The following PARK7 variants were observed in gnomAD, a reference collection of about 807,000 sequenced individuals.
The protein encoded by PARK7 is Parkinson disease protein 7.
Under a neutral mutation model 20.5 loss-of-function variants are expected in PARK7, and 14 were observed. The observed-to-expected ratio is 0.68, with a 90% CI of 0.45 to 1.07. PARK7 has a LOEUF of 1.07. PARK7 is among the 50% of genes least tolerant of loss of function. The pLI, the probability that PARK7 is intolerant of heterozygous loss-of-function variation, is 0.00. For synonymous variants in PARK7, 98 were observed against 84.3 expected, an observed-to-expected ratio of 1.16 and a Z score of -0.89; for missense variants, 234 against 238.1, an observed-to-expected ratio of 0.98 and a Z score of 0.11.
intron 6 of PARK7, among the ~76,000 whole-genome samples, chr1:7,980,066 C>T (rs1640679002): frequency 6.7e-6 from 1 of 149,620 alleles, no homozygotes; most frequent in African/African-American, 2.5e-5. Context: ...GAGGCTGAGG[C>T]AGGAGAGTGG....
chr1:7,982,149 A>AT (rs760318319), intron 6 of PARK7, among the ~76,000 whole-genome samples: 1,856 of 116,608 alleles, frequency 0.016, 19 homozygotes, highest in African/African-American at 0.028. Flanking sequence ...TAATTTTTGT[A>AT]TTTTTTTTTT....
At chr1:7,967,339 C>T (rs1397280797) in intron 3 of PARK7, among the ~76,000 whole-genome samples, 1 of 152,034 alleles carries the variant, frequency 6.6e-6, no homozygotes, top group African/African-American at 2.4e-5. Context: ...AGGTTGATTT[C>T]GTATGTTGGC....
Position 7,981,660 on chromosome 1 carries a change from G to T in PARK7, c.410-3234G>T, listed in dbSNP as rs114542981. Among the ~76,000 whole-genome samples the T allele has an allele frequency of 2.0e-3, 271 of 136,452 alleles. 2 individuals carry two copies. The highest frequency in any genetic ancestry group is 7.2e-3 in the Middle Eastern group (2 of 276). 89.5% of individuals were successfully genotyped at this position (136,452 alleles called of 152,430 possible). On this transcript the variant is annotated intron_variant, in intron 6 of 6. Coordinates refer to ENST00000338639, the MANE Select transcript of PARK7 (RefSeq NM_007262.5). ...TGCTGACCTGTGTCCTGTGTCTTTT[G>T]TTTTTTTTTTTTTTTTGAGACAGAG...
chr1:7,982,777 T>C (rs1172053270), intron 6 of PARK7: 2 of 152,242 alleles, frequency 1.3e-5, no homozygotes, highest in Non-Finnish European at 2.9e-5. Flanking sequence ...ATAAACCTTT[T>C]CCCCTCAAAC....
At chr1:7,972,845 C>G (rs1640493141) in intron 5 of PARK7, among the ~76,000 whole-genome samples, 1 of 152,060 alleles carries the variant, frequency 6.6e-6, no homozygotes, top group African/African-American at 2.4e-5. Context: ...TCGAAACCAG[C>G]CTGGCTAACA....
At position 7,971,036 on chromosome 1, in the gene PARK7, C is replaced by G; in HGVS notation, c.322+73C>G. On this transcript the variant is annotated intron_variant, in intron 5 of 6. Transcript: ENST00000338639. ...TAGCCTTTCATTCGATGGTTTGATT[C>G]CAAATAGCTCTTCCCCTTCATAAAG... 2.0e-6 allele frequency: 3 copies of G among 1,472,130 alleles called. No individual in the cohort carries two copies. The South Asian group carries it at 3.4e-5, about 17-fold the overall frequency. 91.2% of individuals were successfully genotyped at this position (1,472,130 alleles called of 1,614,324 possible). A position where few individuals can be genotyped will look rare whatever the true frequency, so the allele number is the denominator to read the frequency against.
intron 6 of PARK7, among the ~76,000 whole-genome samples, chr1:7,980,641 CCA>C (rs2151438178): frequency 1.3e-5 from 2 of 152,186 alleles, no homozygotes; most frequent in African/African-American, 4.8e-5. Context: ...CAAAAGGCTC[CCA>C]CACATTTAAG....
At chr1:7,978,442 G>T (rs1472864472) in intron 6 of PARK7, among the ~76,000 whole-genome samples, 12 of 148,278 alleles carry the variant, frequency 8.1e-5, no homozygotes, top group Non-Finnish European at 1.8e-4. Context: ...GCCCAGGCTG[G>T]AATGCAGTGG....
At chr1:7,980,965 C>T (rs968451859) in intron 6 of PARK7, among the ~76,000 whole-genome samples, 12 of 152,302 alleles carry the variant, frequency 7.9e-5, no homozygotes, top group East Asian at 3.9e-4. Flanking sequence ...ACCTTGGTCT[C>T]CCAAAGTGCT....
Position 7,984,804 on chromosome 1 carries a change from A to G in PARK7, c.410-90A>G. The G allele has an allele frequency of 6.7e-7, 1 of 1,483,522 alleles. No individual in the cohort carries two copies. The highest frequency in any genetic ancestry group is 9.4e-7 in the Non-Finnish European group (1 of 1,067,348). The allele number at this position is 1,483,522 out of a possible 1,614,324, so 91.9% of individuals were successfully genotyped here. A position where few individuals can be genotyped will look rare whatever the true frequency, so the allele number is the denominator to read the frequency against. Reference sequence around the variant, plus strand: ...TGGTTAGCTACAGTGTTGGGTTTATATGCTGTAATAGTGAATTTAATTGGT... The same window carrying G: ...TGGTTAGCTACAGTGTTGGGTTTATGTGCTGTAATAGTGAATTTAATTGGT... On this transcript the variant is annotated intron_variant, in intron 6 of 6. Transcript: ENST00000338639. The surrounding 1 kb of genome is among the most constrained non-coding windows in gnomAD (Gnocchi z 4.3).
chr1:7,962,851 T>C lies in PARK7; in HGVS notation c.66T>C (p.Pro22=). 1 of 1,613,696 alleles carries C rather than the reference T, an allele frequency of 6.2e-7. No homozygotes were observed. The highest frequency in any genetic ancestry group is 8.5e-7 in the Non-Finnish European group (1 of 1,179,886). ...KGAEEMETVI[P]VDVMRRAGIK... ...CAGAGGAAATGGAGACGGTCATCCC[T>C]GTAGATGTCATGAGGCGAGCTGGGG... The change falls in exon 2 of 7, where the codon CCT becomes CCC. Residue 22 remains proline, a synonymous_variant. Transcript: ENST00000338639.
At chr1:7,964,071 C>T (rs543729363) in intron 2 of PARK7, among the ~76,000 whole-genome samples, 6 of 152,252 alleles carry the variant, frequency 3.9e-5, no homozygotes, top group Admixed American at 1.3e-4. Context: ...CCTCGGCCTC[C>T]CAAAGTGCTG....
At position 7,962,642 on chromosome 1, in the gene PARK7, G is replaced by A. The variant is rs1398456485; in HGVS notation, c.-23-121G>A. The A allele has an allele frequency of 5.4e-5, 35 of 653,966 alleles. 1 individual carries two copies. Among genetic ancestry groups the A allele is most frequent in the South Asian group, 1.2e-4 (7 of 57,376 alleles). 40.5% of individuals were successfully genotyped at this position (653,966 alleles called of 1,614,324 possible). On this transcript the variant is annotated intron_variant, in intron 1 of 6. Coordinates refer to ENST00000338639, the MANE Select transcript of PARK7 (RefSeq NM_007262.5). ...GCTTTTTTCGTATTCAGTTGTCTAT[G>A]AAAACCGTTTCCCTAGGAAGTACTT...
intron 5 of PARK7, among the ~76,000 whole-genome samples, chr1:7,972,504 A>G (rs1578098014): frequency 6.6e-6 from 1 of 152,128 alleles, no homozygotes; most frequent in African/African-American, 2.4e-5. Context: ...GTCTTTCAGG[A>G]GTGACATCAG....
chr1:7,964,369 C>T (rs1457231858), intron 2 of PARK7, among the ~76,000 whole-genome samples: 1 of 152,168 alleles, frequency 6.6e-6, no homozygotes, highest in African/African-American at 2.4e-5. Context: ...AAAGCCAGAA[C>T]TCAGACCCAG....
intron 1 of PARK7, among the ~76,000 whole-genome samples, chr1:7,962,359 C>T (rs1640224633): frequency 1.3e-5 from 2 of 152,076 alleles, no homozygotes; most frequent in African/African-American, 2.4e-5. Context: ...TAAATTTTTG[C>T]CCATGAAATT....
At chr1:7,974,594 T>G (rs1167203355) in intron 5 of PARK7, among the ~76,000 whole-genome samples, 1 of 148,852 alleles carries the variant, frequency 6.7e-6, no homozygotes, top group Non-Finnish European at 1.5e-5. Flanking sequence ...GCGCCACTGC[T>G]CTCCAGCCTG....
chr1:7,965,366 C>A lies in PARK7; in HGVS notation c.133C>A (p.Gln45Lys). ...AGGCCTGGCTGGAAAAGACCCAGTA[C>A]AGTGTAGCCGTGATGTGGTCATTTG... ...VAGLAGKDPVQCSRDVVICPD... is the reference protein window; with the variant it reads ...VAGLAGKDPVKCSRDVVICPD... Residue 45 changes from glutamine to lysine, a missense_variant, in exon 3 of 7, where the codon CAG becomes AAG. Physicochemically the swap from Gln to Lys is moderately conservative, Grantham distance 53 (BLOSUM62 1). Transcript: ENST00000338639. 6.2e-7 allele frequency: 1 copy of A among 1,614,142 alleles called. No individual in the cohort carries two copies. The highest frequency in any genetic ancestry group is 8.5e-7 in the Non-Finnish European group (1 of 1,180,034).
intron 6 of PARK7, 130 bp downstream of exon 6, chr1:7,977,868 T>A (rs575957068): frequency 2.6e-6 from 2 of 757,862 alleles, no homozygotes; most frequent in African/African-American, 3.4e-5. Flanking sequence ...CAAGCGATTC[T>A]TCTCTCTCAG....
Sources: allele counts gnomAD v4.1 joint callset (sites outside exome capture counted in the v4.1 genomes callset), GRCh38; gene constraint gnomAD v4.1.1; non-coding constraint Gnocchi (gnomAD v3.1); transcripts MANE v1.5; gene names NCBI Gene and HGNC (gene_info 2026-07-23, HGNC 2026-07-21).